MAP3K13: variants seen among roughly 807,000 people sequenced by gnomAD.
MAP3K13 encodes mitogen-activated protein kinase kinase kinase 13.
A neutral mutation model predicts 104.0 loss-of-function variants in MAP3K13; 52 were observed. That is an observed-to-expected ratio of 0.50 (90% CI 0.40 to 0.63). The LOEUF is 0.63. Among genes scored for constraint, MAP3K13 ranks in the 20% least tolerant of loss-of-function variants. MAP3K13 has a pLI of 0.00. For synonymous variants in MAP3K13, 394 were observed against 442.2 expected (o/e 0.89, Z 1.37); for missense variants, 914 against 1,218.5 (o/e 0.75, Z 3.72).
intron 8 of MAP3K13, among the ~76,000 whole-genome samples, chr3:185,465,497 T>G (rs956681259): frequency 3.3e-5 from 5 of 152,208 alleles, no homozygotes; most frequent in African/African-American, 1.2e-4. Flanking sequence ...TATAGACAGA[T>G]TTTTATCTGT....
At chr3:185,453,865 A>ACATATATATGAGATATATATG (rs1560115693) in intron 7 of MAP3K13, among the ~76,000 whole-genome samples, 5 of 6,300 alleles carry the variant, frequency 7.9e-4, no homozygotes, top group South Asian at 0.01. Flanking sequence ...ATATATATAT[A>ACATATATATGAGATATATATG]TGATACATAT....
chr3:185,368,142 C>G (rs1324261246), intron 1 of MAP3K13, among the ~76,000 whole-genome samples: 1 of 151,970 alleles, frequency 6.6e-6, no homozygotes, highest in Non-Finnish European at 1.5e-5. Context: ...GCCTGGGTAA[C>G]AGAACAGACC....
In MAP3K13 at chr3:185,343,610, GCCCAGC is replaced by G. The variant is rs575070356; in HGVS notation, c.-86+57968_-86+57973del. On this transcript the variant is annotated intron_variant, in intron 2 of 14. Coordinates refer to the MAP3K13 transcript ENST00000424227. ...TGGGACTACAGGCACGTGCCACCAT[GCCCAGC>G]TAGTTTTGGTATTTTTAGTAGAGAT... Among the ~76,000 whole-genome samples, 52 of 152,180 alleles carry G rather than the reference GCCCAGC, an allele frequency of 3.4e-4. No individual in the cohort carries two copies. In the East Asian group the frequency reaches 8.1e-3, roughly 24 times the overall value.
rs936264503 is a variant in MAP3K13, at chr3:185,418,156, C to T, written c.-85-10341C>T. 2.4e-5 allele frequency: 39 copies of T among 1,609,234 alleles called. No homozygotes were observed. The East Asian group carries it at 8.5e-4, about 35-fold the overall frequency. On this transcript the variant is annotated intron_variant, in intron 1 of 13. Coordinates refer to ENST00000265026, the MANE Select transcript of MAP3K13 (RefSeq NM_004721.5). The surrounding 1 kb of genome is among the most constrained non-coding windows in gnomAD (Gnocchi z 4.5). ...ACCATTATCCTCATTATAGATGATG[C>T]ACAGGCCCCTGCGCTGGATACGGCG...
intron 1 of MAP3K13, among the ~76,000 whole-genome samples, chr3:185,412,036 G>A (rs10212579): frequency 0.24 from 35,910 of 151,860 alleles, 4,889 homozygotes; most frequent in African/African-American, 0.38. Context: ...CTCCCACCTC[G>A]GCCTCCCAAA....
chr3:185,317,561 G>A (rs1721721300), intron 2 of MAP3K13, among the ~76,000 whole-genome samples: 1 of 152,164 alleles, frequency 6.6e-6, no homozygotes, highest in Non-Finnish European at 1.5e-5. Context: ...AATTACGTAT[G>A]GACTCAGATT....
At chr3:185,442,699 A>G (rs1715392176) in intron 3 of MAP3K13, among the ~76,000 whole-genome samples, 1 of 151,746 alleles carries the variant, frequency 6.6e-6, no homozygotes, top group Admixed American at 6.6e-5. Context: ...ATGCCCAGCT[A>G]ATTTTTGTAT....
chr3:185,407,231 C>G (rs1201821065), intron 1 of MAP3K13, among the ~76,000 whole-genome samples: 2 of 152,030 alleles, frequency 1.3e-5, no homozygotes, highest in South Asian at 4.2e-4. Flanking sequence ...AGATCTTGAG[C>G]CTTAACCCAC....
chr3:185,461,732 T>G (rs1717117554), intron 7 of MAP3K13, among the ~76,000 whole-genome samples: 1 of 151,980 alleles, frequency 6.6e-6, no homozygotes, highest in Non-Finnish European at 1.5e-5. Context: ...CCAGCTAATT[T>G]TTGTATTTTT....
At chr3:185,455,901 A>G (rs1324418816) in intron 7 of MAP3K13, among the ~76,000 whole-genome samples, 1 of 142,690 alleles carries the variant, frequency 7.0e-6, no homozygotes, top group Non-Finnish European at 1.5e-5. Flanking sequence ...GATGAGATAT[A>G]TATGATATAG....
At position 185,418,257 on chromosome 3, in the gene MAP3K13, A is replaced by C. The variant is rs1186786877; in HGVS notation, c.-85-10240A>C. ...CCTTTTCGATATCATTCCAGGCTTT[A>C]AGTTTCTTAAGGAGCAAAACAGCTT... On this transcript the variant is annotated intron_variant, in intron 1 of 13. Coordinates refer to ENST00000265026, the MANE Select transcript of MAP3K13 (RefSeq NM_004721.5). The surrounding 1 kb of genome is among the most constrained non-coding windows in gnomAD (Gnocchi z 4.5). 1.9e-6 allele frequency: 3 copies of C among 1,599,500 alleles called. No individual in the cohort carries two copies. Among genetic ancestry groups the C allele is most frequent in the Non-Finnish European group, 2.6e-6 (3 of 1,168,360 alleles).
chr3:185,392,441 G>C (rs183830793), intron 1 of MAP3K13, among the ~76,000 whole-genome samples: 15 of 152,326 alleles, frequency 9.8e-5, no homozygotes, highest in African/African-American at 3.4e-4. Flanking sequence ...GAACAGGCAA[G>C]AATTGGGAGA....
Position 185,454,443 on chromosome 3 carries a change from T to TATATATGAG in MAP3K13, c.1278+3054_1278+3055insGAGATATAT, listed in dbSNP as rs1191824623. On this transcript the variant is annotated intron_variant, in intron 7 of 13. Transcript: ENST00000265026. The stretch of plus-strand genomic sequence containing the variant: ...TGAGATATATATGATATATATGAGA[T>TATATATGAG]ATATATATGAGATATATATGATATA... Among the ~76,000 whole-genome samples the TATATATGAG allele has an allele frequency of 4.3e-4, 25 of 58,092 alleles. 5 individuals carry two copies. The highest frequency in any genetic ancestry group is 1.5e-3 in the African/African-American group (24 of 15,830). 38.1% of individuals were successfully genotyped at this position (58,092 alleles called of 152,430 possible).
At chr3:185,459,686 G>A (rs1716984202) in intron 7 of MAP3K13, among the ~76,000 whole-genome samples, 1 of 151,924 alleles carries the variant, frequency 6.6e-6, no homozygotes, top group Admixed American at 6.6e-5. Context: ...CTGACTTCAG[G>A]TGATCCACCC....
chr3:185,467,935 AC>A (rs1314471649), intron 10 of MAP3K13, among the ~76,000 whole-genome samples: 11 of 152,114 alleles, frequency 7.2e-5, no homozygotes, highest in African/African-American at 2.7e-4. Flanking sequence ...ATGGTGAAAA[AC>A]AAAGGGGGAG....
Position 185,437,443 on chromosome 3 carries a change from C to G in MAP3K13, c.476-4C>G. ...TCAAGCTTATTTCTTGCTTGTGTGC[C>G]TAGATACTTGGGAAGTGCCATTTGA... On this transcript the variant is annotated splice_region_variant and splice_polypyrimidine_tract_variant and intron_variant, in intron 2 of 13. Coordinates refer to ENST00000265026, the MANE Select transcript of MAP3K13 (RefSeq NM_004721.5). 2 of 1,612,686 alleles carry G rather than the reference C, an allele frequency of 1.2e-6. No homozygotes were observed. The highest frequency in any genetic ancestry group is 1.7e-6 in the Non-Finnish European group (2 of 1,179,460).
intron 8 of MAP3K13, among the ~76,000 whole-genome samples, chr3:185,463,998 A>G (rs1162693007): frequency 6.6e-6 from 1 of 152,192 alleles, no homozygotes; most frequent in Non-Finnish European, 1.5e-5. Context: ...ATTAAGAGAT[A>G]TAAGGCCAGG....
chr3:185,469,693 T>C (rs1278920060), intron 10 of MAP3K13, among the ~76,000 whole-genome samples: 1 of 152,232 alleles, frequency 6.6e-6, no homozygotes, highest in Non-Finnish European at 1.5e-5. Flanking sequence ...GGCTGTTCAA[T>C]GTGTGGCCTC....
chr3:185,462,199 T>C (rs1717145738), intron 7 of MAP3K13, among the ~76,000 whole-genome samples: 1 of 152,248 alleles, frequency 6.6e-6, no homozygotes, highest in South Asian at 2.1e-4. Context: ...TTATTTTCAC[T>C]GTTTGTTTCT....
Sources: allele counts gnomAD v4.1 joint callset (sites outside exome capture counted in the v4.1 genomes callset), GRCh38; gene constraint gnomAD v4.1.1; non-coding constraint Gnocchi (gnomAD v3.1); transcripts MANE v1.5; gene names NCBI Gene and HGNC (gene_info 2026-07-23, HGNC 2026-07-21).